SPATS2: variants seen among roughly 807,000 people sequenced by gnomAD.
SPATS2 encodes the protein spermatogenesis-associated serine-rich protein 2.
A neutral mutation model predicts 63.7 loss-of-function variants in SPATS2; 38 were observed. The ratio of observed to expected loss-of-function variants is 0.60; its 90% CI spans 0.46 to 0.78. The LOEUF (loss-of-function observed/expected upper bound fraction) is 0.78. SPATS2 is among the 30% of genes least tolerant of loss of function. The probability of loss-of-function intolerance (pLI) is 0.00; values close to 1 mark genes in which losing one functional copy is unlikely to be tolerated. For missense variants in SPATS2, 588 were observed against 666.2 expected (o/e 0.88, Z 1.29); for synonymous variants, 207 against 232.9 (o/e 0.89, Z 1.01).
At chr12:49,484,502 G>T (rs1946255997) in intron 3 of SPATS2, 88 bp from the exon 4 acceptor site, 1 of 1,277,266 alleles carries the variant, frequency 7.8e-7, no homozygotes, top group Non-Finnish European at 1.1e-6. Context: ...TTGTTTTATG[G>T]GACGAAAGCA....
chr12:49,463,949 A>G (rs1014681747), intron 3 of SPATS2, among the ~76,000 whole-genome samples: 1 of 152,218 alleles, frequency 6.6e-6, no homozygotes, highest in Non-Finnish European at 1.5e-5. Flanking sequence ...CTATTAGCCA[A>G]TATCTAGCAG....
intron 2 of SPATS2, among the ~76,000 whole-genome samples, chr12:49,421,091 A>C (rs1944972739): frequency 6.6e-6 from 1 of 152,096 alleles, no homozygotes; most frequent in African/African-American, 2.4e-5. Context: ...TGCCCCTTAC[A>C]CTGATAGAAT....
intron 6 of SPATS2, among the ~76,000 whole-genome samples, chr12:49,491,875 C>T (rs192392574): frequency 1.3e-5 from 2 of 152,304 alleles, no homozygotes; most frequent in East Asian, 1.9e-4. Flanking sequence ...AAGGTAACCC[C>T]TTTAGGAAAT....
intron 2 of SPATS2, among the ~76,000 whole-genome samples, chr12:49,380,315 T>A (rs1042185880): frequency 1.3e-5 from 2 of 151,986 alleles, no homozygotes; most frequent in African/African-American, 4.8e-5. Flanking sequence ...AAAACCACCA[T>A]GCCTGACCGA....
intron 2 of SPATS2, among the ~76,000 whole-genome samples, chr12:49,381,888 G>A (rs963895223): frequency 7.9e-5 from 12 of 152,184 alleles, no homozygotes; most frequent in African/African-American, 2.9e-4. Flanking sequence ...AGGTTTATAG[G>A]TAGATATGCC....
chr12:49,435,878 A>G (rs1001664261), intron 2 of SPATS2, among the ~76,000 whole-genome samples: 8 of 150,106 alleles, frequency 5.3e-5, no homozygotes, highest in African/African-American at 2.0e-4. Flanking sequence ...CATTTGTTTA[A>G]CAAAGCACAT....
chr12:49,404,688 C>T (rs1202875165), intron 2 of SPATS2, among the ~76,000 whole-genome samples: 1 of 152,122 alleles, frequency 6.6e-6, no homozygotes, highest in Non-Finnish European at 1.5e-5. Context: ...GTCTTTGCCC[C>T]TCCAACTGCC....
intron 8 of SPATS2, among the ~76,000 whole-genome samples, chr12:49,498,782 T>C (rs1023414100): frequency 7.4e-6 from 1 of 135,714 alleles, no homozygotes; most frequent in Non-Finnish European, 1.7e-5. Context: ...CTTGAACATA[T>C]GGTATCTATT....
intron 2 of SPATS2, among the ~76,000 whole-genome samples, chr12:49,396,527 A>G (rs986744699): frequency 2.0e-5 from 3 of 152,162 alleles, no homozygotes; most frequent in African/African-American, 7.2e-5. Flanking sequence ...TGCTTCTACT[A>G]TGGTACTATT....
intron 2 of SPATS2, chr12:49,442,652 A>G (rs1307082827): frequency 6.5e-6 from 1 of 152,766 alleles, no homozygotes; most frequent in South Asian, 2.1e-4. Context: ...AACCTTGTGG[A>G]TAGAGATGGA....
At chr12:49,440,042 A>T (rs2137545476) in intron 2 of SPATS2, among the ~76,000 whole-genome samples, 1 of 152,346 alleles carries the variant, frequency 6.6e-6, no homozygotes, top group South Asian at 2.1e-4. Context: ...TACGAGAATA[A>T]TACAAAGAAC....
In SPATS2 at chr12:49,372,515, A is replaced by T. The variant is rs149098762; in HGVS notation, c.-244+1225A>T. Among the ~76,000 whole-genome samples, 3 of 152,328 alleles carry T rather than the reference A, an allele frequency of 2.0e-5. No individual in the cohort carries two copies. In the East Asian group the frequency reaches 5.8e-4, roughly 29 times the overall value. On this transcript the variant is annotated intron_variant, in intron 2 of 13. Coordinates refer to ENST00000552918, the MANE Select transcript of SPATS2 (RefSeq NM_023071.4). ...TCATGTATCCAATGTGGAAGGAACC[A>T]TTTGTTATATACAGTTCTTTCCAGT...
At chr12:49,400,694 G>A (rs753515983) in intron 2 of SPATS2, among the ~76,000 whole-genome samples, 9 of 152,070 alleles carry the variant, frequency 5.9e-5, no homozygotes, top group African/African-American at 1.2e-4. Flanking sequence ...AAGCATGGAC[G>A]AGGAAATGTT....
intron 2 of SPATS2, among the ~76,000 whole-genome samples, chr12:49,443,864 T>C (rs1258384206): frequency 1.3e-5 from 2 of 152,230 alleles, no homozygotes; most frequent in African/African-American, 4.8e-5. Context: ...CTTATGACAG[T>C]ACCACACTGT....
chr12:49,446,838 G>A (rs978536664), intron 2 of SPATS2, among the ~76,000 whole-genome samples: 33 of 152,280 alleles, frequency 2.2e-4, no homozygotes, highest in Non-Finnish European at 3.5e-4. Flanking sequence ...ATAATTAGGG[G>A]ACAGGAATCT....
intron 10 of SPATS2, among the ~76,000 whole-genome samples, chr12:49,515,086 G>A (rs1469667581): frequency 1.3e-5 from 2 of 152,142 alleles, no homozygotes; most frequent in Non-Finnish European, 2.9e-5. Context: ...TGTTATCAAT[G>A]GGTAGGGGAA....
intron 10 of SPATS2, among the ~76,000 whole-genome samples, chr12:49,516,154 AAAAAAAAAAAAAATATAT>A (rs1946837594): frequency 2.3e-5 from 1 of 43,512 alleles, no homozygotes; most frequent in East Asian, 5.9e-4. Context: ...AAAAAAAAAA[AAAAAAAAAAAAAATATAT>A]ATATATATAT....
In SPATS2 at chr12:49,378,980, C is replaced by T. The variant is rs961500132; in HGVS notation, c.-244+7690C>T. Among the ~76,000 whole-genome samples, 10 of 151,694 alleles carry T rather than the reference C, an allele frequency of 6.6e-5. No individual in the cohort carries two copies. The South Asian group carries it at 1.7e-3, about 25-fold the overall frequency. On this transcript the variant is annotated intron_variant, in intron 2 of 13. Transcript: ENST00000552918. ...TCGACCAGGCTGGATCGCAGTGGTG[C>T]GATCTCGGCTCACTTCAACCTCTGC...
At chr12:49,421,355 TTGTGGTGAGTGGA>T (rs975506969) in intron 2 of SPATS2, among the ~76,000 whole-genome samples, 7 of 140,030 alleles carry the variant, frequency 5.0e-5, no homozygotes, top group African/African-American at 1.9e-4. Flanking sequence ...GAGGCAGAGG[TTGTGGTGAGTGGA>T]GATGACACCA....
Sources: allele counts gnomAD v4.1 joint callset (sites outside exome capture counted in the v4.1 genomes callset), GRCh38; gene constraint gnomAD v4.1.1; transcripts MANE v1.5; gene names NCBI Gene and HGNC (gene_info 2026-07-23, HGNC 2026-07-21).